The following HDAC9 variants were observed in gnomAD, a reference collection of about 807,000 sequenced individuals.
HDAC9 encodes the protein MEF-2 interacting transcription repressor (MITR) protein.
A neutral mutation model predicts 139.4 loss-of-function variants in HDAC9; 41 were observed. The observed-to-expected ratio is 0.29, with a 90% CI of 0.23 to 0.38. HDAC9 has a LOEUF of 0.38. HDAC9 is among the 10% of genes least tolerant of loss of function. The pLI is 1.00. For missense variants in HDAC9, 1,147 were observed against 1,297.0 expected (o/e 0.88, Z 1.78); for synonymous variants, 517 against 476.2 (o/e 1.09, Z -1.12).
intron 2 of HDAC9, among the ~76,000 whole-genome samples, chr7:18,221,003 TTTTTA>T (rs1170369591): frequency 4.6e-5 from 7 of 152,226 alleles, no homozygotes; most frequent in African/African-American, 9.6e-5. Flanking sequence ...TCACTTTTAC[TTTTTA>T]TTTTAACACT....
chr7:18,604,135 C>G (rs1381065344), intron 6 of HDAC9, among the ~76,000 whole-genome samples: 1 of 151,948 alleles, frequency 6.6e-6, no homozygotes, highest in Admixed American at 6.6e-5. Flanking sequence ...CTCTGAGATT[C>G]CTGTATCTAT....
At chr7:18,088,668 T>C (rs1206408401) in intron 1 of HDAC9, among the ~76,000 whole-genome samples, 1 of 152,216 alleles carries the variant, frequency 6.6e-6, no homozygotes, top group Non-Finnish European at 1.5e-5. Flanking sequence ...ATTTTTATTA[T>C]GGAAATTATT....
chr7:18,811,181 A>T (rs1351244555), intron 17 of HDAC9, among the ~76,000 whole-genome samples: 1 of 151,714 alleles, frequency 6.6e-6, no homozygotes. Flanking sequence ...TATCAATTTT[A>T]TTGATCTTCT....
chr7:18,717,076 C>T (rs1017877916), intron 12 of HDAC9, among the ~76,000 whole-genome samples: 1 of 137,888 alleles, frequency 7.3e-6, no homozygotes, highest in East Asian at 2.2e-4. Context: ...ATGAGAAGAA[C>T]GTGAGAAGGA....
chr7:18,814,205 C>A (rs1737099607), intron 17 of HDAC9, among the ~76,000 whole-genome samples: 1 of 152,118 alleles, frequency 6.6e-6, no homozygotes, highest in South Asian at 2.1e-4. Flanking sequence ...AAACAAAGTC[C>A]TGATATTTTA....
chr7:18,390,044 GACA>G (rs1786315453), intron 1 of HDAC9, among the ~76,000 whole-genome samples: 1 of 83,320 alleles, frequency 1.2e-5, no homozygotes, highest in South Asian at 5.5e-4. Flanking sequence ...CCTAGAGAAA[GACA>G]ACACACACAC....
chr7:18,885,180 G>A (rs1585222217), intron 22 of HDAC9, among the ~76,000 whole-genome samples: 1 of 152,200 alleles, frequency 6.6e-6, no homozygotes, highest in African/African-American at 2.4e-5. Flanking sequence ...CAGCCTGGTC[G>A]TCCAGCAGAA....
intron 1 of HDAC9, among the ~76,000 whole-genome samples, chr7:18,439,663 A>C (rs1791561147): frequency 6.6e-6 from 1 of 152,204 alleles, no homozygotes; most frequent in African/African-American, 2.4e-5. Flanking sequence ...TTGAGAAATC[A>C]ATTTAGTGGT....
intron 14 of HDAC9, among the ~76,000 whole-genome samples, chr7:18,760,796 C>T (rs946298379): frequency 1.3e-5 from 2 of 152,232 alleles, no homozygotes; most frequent in Admixed American, 1.3e-4. Flanking sequence ...GCTCGGCCTC[C>T]GGCCCAGTAA....
At chr7:18,753,155 G>A (rs1562914580) in intron 14 of HDAC9, among the ~76,000 whole-genome samples, 1 of 152,140 alleles carries the variant, frequency 6.6e-6, no homozygotes, top group Non-Finnish European at 1.5e-5. Flanking sequence ...ACTATATGGT[G>A]TGATCAGCAG....
chr7:18,585,692 T>TA (rs1292361027), intron 3 of HDAC9, among the ~76,000 whole-genome samples, 170 bp downstream of exon 3: 1 of 152,160 alleles, frequency 6.6e-6, no homozygotes, highest in African/African-American at 2.4e-5. Flanking sequence ...AAGTACCTGT[T>TA]AAAAACCTGT....
At chr7:18,776,212 G>A (rs542064446) in intron 16 of HDAC9, among the ~76,000 whole-genome samples, 10 of 152,154 alleles carry the variant, frequency 6.6e-5, no homozygotes, top group Admixed American at 4.6e-4. Flanking sequence ...CAAACTGCTA[G>A]GATTAGAGGC....
At chr7:18,162,999 T>C (rs1787751916) in intron 2 of HDAC9, among the ~76,000 whole-genome samples, 1 of 152,186 alleles carries the variant, frequency 6.6e-6, no homozygotes, top group South Asian at 2.1e-4. Context: ...AGATACCACA[T>C]ACTAGTAACA....
intron 11 of HDAC9, among the ~76,000 whole-genome samples, chr7:18,649,846 C>T (rs1309249107): frequency 6.6e-6 from 1 of 152,100 alleles, no homozygotes; most frequent in African/African-American, 2.4e-5. Context: ...CCCTTCGCTA[C>T]TCTCAAAGTA....
At chr7:18,713,648 A>G (rs1462365910) in intron 12 of HDAC9, among the ~76,000 whole-genome samples, 1 of 152,060 alleles carries the variant, frequency 6.6e-6, no homozygotes, top group African/African-American at 2.4e-5. Flanking sequence ...TAATATAAAA[A>G]TATTAGTAAA....
chr7:18,207,078 T>A (rs1272006535), intron 2 of HDAC9, among the ~76,000 whole-genome samples: 5 of 151,764 alleles, frequency 3.3e-5, no homozygotes, highest in Admixed American at 2.6e-4. Flanking sequence ...TTGGGAATTG[T>A]TTTTGTTTGT....
chr7:18,139,844 G>A (rs73315753), intron 1 of HDAC9, among the ~76,000 whole-genome samples: 4,007 of 152,194 alleles, frequency 0.026, 192 homozygotes, highest in African/African-American at 0.091. Context: ...CAAAGACTGG[G>A]CAGCCTCCGG....
intron 1 of HDAC9, among the ~76,000 whole-genome samples, chr7:18,136,886 A>G (rs1211882343): frequency 5.3e-5 from 8 of 151,792 alleles, no homozygotes; most frequent in Non-Finnish European, 1.0e-4. Flanking sequence ...TCTGTAAATT[A>G]CCTTGGGCAG....
intron 1 of HDAC9, among the ~76,000 whole-genome samples, chr7:18,291,754 T>C (rs1014576999): frequency 2.6e-5 from 4 of 152,142 alleles, no homozygotes; most frequent in Admixed American, 2.0e-4. Flanking sequence ...CTGAATTAAT[T>C]CTCTCTACAA....
Sources: gnomAD v4.1 joint callset for allele counts (sites outside exome capture counted in the v4.1 genomes callset) on GRCh38, gnomAD v4.1.1 for gene constraint, MANE v1.5 for transcripts, NCBI Gene and HGNC (gene_info 2026-07-23, HGNC 2026-07-21) for gene names.